KAZN: variants seen among roughly 807,000 people sequenced by gnomAD.
KAZN encodes kazrin.
In KAZN, 40 loss-of-function variants were observed where a neutral mutation model predicts 87.4. That is an observed-to-expected ratio of 0.46 (90% CI 0.36 to 0.60). The LOEUF (loss-of-function observed/expected upper bound fraction) is 0.60. Ranked by LOEUF, KAZN falls within the 20% of genes least tolerant of loss-of-function variation. KAZN has a pLI of 0.00. For missense variants in KAZN, 898 were observed against 1,073.9 expected, an observed-to-expected ratio of 0.84 and a Z score of 2.29; for synonymous variants, 466 against 458.3, an observed-to-expected ratio of 1.02 and a Z score of -0.22.
intron 1 of KAZN, among the ~76,000 whole-genome samples, chr1:13,899,651 T>TTC (rs1344950662): frequency 6.6e-6 from 1 of 151,386 alleles, no homozygotes; most frequent in East Asian, 1.9e-4. Flanking sequence ...GTCCTTTTTT[T>TTC]TTTTTTTTTT....
chr1:14,314,551 C>G (rs1428160614), intron 2 of KAZN, among the ~76,000 whole-genome samples: 1 of 152,140 alleles, frequency 6.6e-6, no homozygotes, highest in Non-Finnish European at 1.5e-5. Context: ...TTTCTCAAAG[C>G]TCCATTCGTG....
chr1:14,853,790 T>C (rs1425165772), intron 1 of KAZN, among the ~76,000 whole-genome samples: 2 of 152,066 alleles, frequency 1.3e-5, no homozygotes, highest in Non-Finnish European at 2.9e-5. Context: ...ACTTGGCCCA[T>C]ATTGGTGCTA....
intron 2 of KAZN, among the ~76,000 whole-genome samples, chr1:14,296,060 C>G (rs560841887): frequency 2.7e-4 from 41 of 152,224 alleles, no homozygotes; most frequent in African/African-American, 9.4e-4. Flanking sequence ...ATAGGGTTGC[C>G]ATAAGGATTA....
chr1:14,642,357 G>A (rs574179311), intron 1 of KAZN, among the ~76,000 whole-genome samples: 14 of 152,244 alleles, frequency 9.2e-5, no homozygotes, highest in African/African-American at 1.9e-4. Context: ...CTGAGATCAC[G>A]CCACTGCACT....
At chr1:14,914,978 G>A (rs998462280) in intron 1 of KAZN, among the ~76,000 whole-genome samples, 1 of 152,096 alleles carries the variant, frequency 6.6e-6, no homozygotes, top group African/African-American at 2.4e-5. Flanking sequence ...ATCACCTGAG[G>A]TCAGGAGTTC....
intron 1 of KAZN, among the ~76,000 whole-genome samples, chr1:14,680,930 C>A (rs969132631): frequency 6.6e-6 from 1 of 152,134 alleles, no homozygotes; most frequent in African/African-American, 2.4e-5. Flanking sequence ...ATGGTGCTGG[C>A]GTGCTTGGCT....
chr1:14,333,714 CAG>C (rs759440493), intron 2 of KAZN, among the ~76,000 whole-genome samples: 13 of 152,074 alleles, frequency 8.5e-5, no homozygotes, highest in African/African-American at 1.2e-4. Flanking sequence ...GGGATGCTGA[CAG>C]GGGCTGGTGG....
intron 1 of KAZN, among the ~76,000 whole-genome samples, chr1:14,122,955 A>C (rs1480782304): frequency 6.6e-6 from 1 of 152,132 alleles, no homozygotes; most frequent in Admixed American, 6.5e-5. Context: ...CTTTGTAGGG[A>C]GTAACTTGAT....
At position 14,211,410 on chromosome 1, in the gene KAZN, G is replaced by T. The variant is rs1394851913; in HGVS notation, c.249+30818G>T. 4.6e-5 allele frequency among the ~76,000 whole-genome samples: 7 copies of T among 152,248 alleles called. No individual in the cohort carries two copies. The East Asian group carries it at 7.7e-4, about 17-fold the overall frequency. ...TAATTTTGTTTTTGTATTTTTAGTA[G>T]AGACAGAGTTTCATTGTGTTAGCCA... On this transcript the variant is annotated intron_variant, in intron 2 of 16. Coordinates refer to the KAZN transcript ENST00000636203.
intron 1 of KAZN, among the ~76,000 whole-genome samples, chr1:14,164,759 C>G (rs978905256): frequency 3.9e-5 from 6 of 152,078 alleles, no homozygotes; most frequent in African/African-American, 1.4e-4. Context: ...AGGCTGGTCC[C>G]AAATCCTAAC....
chr1:14,058,956 A>G (rs1420402597), intron 1 of KAZN, among the ~76,000 whole-genome samples: 5 of 152,200 alleles, frequency 3.3e-5, no homozygotes, highest in African/African-American at 1.2e-4. Flanking sequence ...GCAGCATACG[A>G]TGAGGCTGGA....
intron 1 of KAZN, among the ~76,000 whole-genome samples, chr1:14,751,568 G>A (rs1019380938): frequency 3.3e-5 from 5 of 152,134 alleles, no homozygotes; most frequent in African/African-American, 9.7e-5. Flanking sequence ...CCTTGGGTAG[G>A]ACCTTGGTAA....
intron 1 of KAZN, among the ~76,000 whole-genome samples, chr1:14,819,274 C>T (rs941934506): frequency 3.9e-5 from 6 of 152,166 alleles, no homozygotes; most frequent in African/African-American, 1.2e-4. Flanking sequence ...GCCAAATCCT[C>T]GAGCTTCAAG....
chr1:14,547,017 C>T (rs1276321166), intron 2 of KAZN, among the ~76,000 whole-genome samples: 5 of 152,150 alleles, frequency 3.3e-5, no homozygotes, highest in African/African-American at 1.2e-4. Flanking sequence ...GAGCTGGGGA[C>T]AGAATCCAAG....
At chr1:14,657,414 A>T (rs1638873016) in intron 1 of KAZN, among the ~76,000 whole-genome samples, 1 of 152,136 alleles carries the variant, frequency 6.6e-6, no homozygotes, top group South Asian at 2.1e-4. Flanking sequence ...AGATTGGTGG[A>T]CCTAGAGCTT....
At chr1:14,829,162 G>A (rs1470811771) in intron 1 of KAZN, among the ~76,000 whole-genome samples, 2 of 152,198 alleles carry the variant, frequency 1.3e-5, no homozygotes, top group Non-Finnish European at 2.9e-5. Context: ...TAATAGTGTC[G>A]TGACTGACTC....
chr1:14,023,675 T>C (rs7535352), intron 1 of KAZN, among the ~76,000 whole-genome samples: 3,210 of 151,844 alleles, frequency 0.021, 109 homozygotes, highest in African/African-American at 0.073. Flanking sequence ...CAAGGAACGG[T>C]AAACAAACAA....
intron 1 of KAZN, among the ~76,000 whole-genome samples, chr1:14,678,572 A>G (rs919932935): frequency 6.6e-6 from 1 of 152,160 alleles, no homozygotes; most frequent in Admixed American, 6.5e-5. Flanking sequence ...CCTTTTGTAT[A>G]TACATATGCC....
intron 1 of KAZN, among the ~76,000 whole-genome samples, chr1:14,127,517 G>A (rs1481914900): frequency 6.6e-6 from 1 of 151,788 alleles, no homozygotes; most frequent in Non-Finnish European, 1.5e-5. Flanking sequence ...ATGGGGACAG[G>A]GTATTTCCCA....
Sources: allele counts gnomAD v4.1 joint callset (sites outside exome capture counted in the v4.1 genomes callset), GRCh38; gene constraint gnomAD v4.1.1; transcripts MANE v1.5; gene names NCBI Gene and HGNC (gene_info 2026-07-23, HGNC 2026-07-21).